Variants in PPP2R5C observed in about 807,000 individuals in gnomAD.
The protein encoded by PPP2R5C is serine/threonine-protein phosphatase 2A 56 kDa regulatory subunit gamma isoform.
In PPP2R5C, 7 loss-of-function variants were observed where a neutral mutation model predicts 68.9. The ratio of observed to expected loss-of-function variants is 0.10; its 90% CI spans 0.06 to 0.19. The LOEUF (loss-of-function observed/expected upper bound fraction) is 0.19, where lower values mean the gene tolerates loss of function less well. Among genes scored for constraint, PPP2R5C ranks in the 10% least tolerant of loss-of-function variants. The pLI is 1.00. For synonymous variants in PPP2R5C, 210 were observed against 222.2 expected (o/e 0.95, Z 0.49); for missense variants, 348 against 641.3 (o/e 0.54, Z 4.94).
intron 6 of PPP2R5C, 80 bp downstream of exon 8, chr14:101,890,376 C>A: frequency 7.4e-7 from 1 of 1,343,008 alleles, no homozygotes; most frequent in Non-Finnish European, 1.0e-6. Flanking sequence ...TCCAGCTGCC[C>A]GCTTTAAAGC....
In PPP2R5C at chr14:101,762,974, A is replaced by G. The variant is rs187787545; in HGVS notation, c.93+4A>G. On this transcript the variant is annotated splice_donor_region_variant and intron_variant, in intron 2 of 14. Transcript: ENST00000328724. Reference sequence around the variant, plus strand: ...ACAAGACACAGTAGAATCAGAGGTAACTGTCATCAAATATTGACTTTGTAT... The same window carrying G: ...ACAAGACACAGTAGAATCAGAGGTAGCTGTCATCAAATATTGACTTTGTAT... The G allele has an allele frequency of 6.4e-7, 1 of 1,566,902 alleles. No individual in the cohort carries two copies. Among genetic ancestry groups the G allele is most frequent in the East Asian group, 2.3e-5 (1 of 42,958 alleles).
At position 101,872,641 on chromosome 14, in the gene PPP2R5C, A is replaced by G. The variant is rs144888136; in HGVS notation, c.295-9520A>G. On this transcript the variant is annotated intron_variant, in intron 2 of 13. Transcript: ENST00000334743. Reference sequence around the variant, plus strand: ...TCTTGCTTGCATTATTTCTGATGAGATGTCTCCTGCCATTCTTTTCTTTGT... The same window carrying G: ...TCTTGCTTGCATTATTTCTGATGAGGTGTCTCCTGCCATTCTTTTCTTTGT... Among the ~76,000 whole-genome samples the G allele has an allele frequency of 4.3e-3, 654 of 152,162 alleles. 5 individuals are homozygous for G. Among genetic ancestry groups the G allele is most frequent in the African/African-American group, 0.015 (624 of 41,526 alleles).
intron 2 of PPP2R5C, among the ~76,000 whole-genome samples, chr14:101,857,836 G>A (rs1244530197): frequency 6.6e-6 from 1 of 152,116 alleles, no homozygotes; most frequent in Non-Finnish European, 1.5e-5. Context: ...TCTTTGTTAA[G>A]TTACTGATTT....
intron 1 of PPP2R5C, among the ~76,000 whole-genome samples, chr14:101,821,483 G>A (rs931897263): frequency 6.6e-6 from 1 of 151,242 alleles, no homozygotes; most frequent in African/African-American, 2.4e-5. Context: ...GTGTGTGTGT[G>A]TATTTATCCA....
At chr14:101,787,154 G>A (rs1017005415) in intron 3 of PPP2R5C, among the ~76,000 whole-genome samples, 5 of 152,352 alleles carry the variant, frequency 3.3e-5, no homozygotes, top group Non-Finnish European at 5.9e-5. Context: ...GGAGGCTGAA[G>A]TGGGAGGATT....
chr14:101,795,594 A>G (rs959256922), intron 3 of PPP2R5C, among the ~76,000 whole-genome samples: 3 of 152,182 alleles, frequency 2.0e-5, no homozygotes, highest in Non-Finnish European at 4.4e-5. Flanking sequence ...AGAAAAGACT[A>G]GGAGAAGTCA....
At chr14:101,841,516 C>G (rs76596910) in intron 1 of PPP2R5C, among the ~76,000 whole-genome samples, 2,389 of 152,296 alleles carry the variant, frequency 0.016, 75 homozygotes, top group African/African-American at 0.053. Context: ...GGGGCCGGCT[C>G]GTTCCGTGTC....
chr14:101,883,770 C>A (rs1306681303), intron 5 of PPP2R5C, among the ~76,000 whole-genome samples: 1 of 152,152 alleles, frequency 6.6e-6, no homozygotes, highest in African/African-American at 2.4e-5. Context: ...CCCCTCTCCC[C>A]ACAGCTCCCT....
At chr14:101,881,717 C>A (rs1239908907) in intron 2 of PPP2R5C, among the ~76,000 whole-genome samples, 2 of 152,240 alleles carry the variant, frequency 1.3e-5, no homozygotes, top group African/African-American at 4.8e-5. Context: ...TCACACGGGT[C>A]CTCCCTGCGT....
rs1391401972 is a variant in PPP2R5C at position 101,781,410 on chromosome 14, T to A, written c.94-4608T>A. Among the ~76,000 whole-genome samples the A allele has an allele frequency of 6.6e-6, 1 of 152,112 alleles. No homozygotes were observed. Among genetic ancestry groups the A allele is most frequent in the African/African-American group, 2.4e-5 (1 of 41,420 alleles). ...GAGCCGCTAGGCTGCCAAGGCGCGC[T>A]GTGCGCGTGGGGCCAGGCTCGACCT... On this transcript the variant is annotated intron_variant, in intron 2 of 14. Coordinates refer to the PPP2R5C transcript ENST00000328724. This position sits in a 1 kb window ranked among gnomAD's most constrained non-coding sequence, Gnocchi z 6.4.
chr14:101,806,064 G>A (rs1425150443), upstream of PPP2R5C, among the ~76,000 whole-genome samples: 3 of 152,128 alleles, frequency 2.0e-5, no homozygotes, highest in Non-Finnish European at 4.4e-5. Context: ...TTGTGTTGAT[G>A]TATATTTTAG....
At chr14:101,847,975 T>A (rs1446494865) in intron 1 of PPP2R5C, among the ~76,000 whole-genome samples, 1 of 152,128 alleles carries the variant, frequency 6.6e-6, no homozygotes, top group Non-Finnish European at 1.5e-5. Context: ...CATGAGCCAC[T>A]GCGCCCGGCC....
In PPP2R5C at chr14:101,877,013, A is replaced by G. The variant is rs1257583043; in HGVS notation, c.295-5148A>G. Among the ~76,000 whole-genome samples the G allele has an allele frequency of 7.2e-6, 1 of 138,100 alleles. No individual in the cohort carries two copies. Among genetic ancestry groups the G allele is most frequent in the South Asian group, 2.2e-4 (1 of 4,534 alleles). The allele number at this position is 138,100 out of a possible 152,430, so 90.6% of individuals were successfully genotyped here. ...GCCCAGGCTGGAGTGCAGTGGTGCA[A>G]TCTCGGTTCACTGCAACTTCCACCT... On this transcript the variant is annotated intron_variant, in intron 2 of 13. Coordinates refer to ENST00000334743, the Ensembl canonical transcript of PPP2R5C. The surrounding 1 kb of genome is among the most constrained non-coding windows in gnomAD (Gnocchi z 4.2).
intron 1 of PPP2R5C, among the ~76,000 whole-genome samples, chr14:101,842,311 G>A (rs1316947949): frequency 1.3e-5 from 2 of 152,206 alleles, no homozygotes; most frequent in Non-Finnish European, 2.9e-5. Context: ...CGAAAGCCAA[G>A]GTTTCCGGGT....
At chr14:101,859,633 C>T (rs1053612195) in intron 2 of PPP2R5C, among the ~76,000 whole-genome samples, 6 of 152,134 alleles carry the variant, frequency 3.9e-5, no homozygotes, top group African/African-American at 7.2e-5. Context: ...AGAACACAGG[C>T]GGTGGGGTGG....
At position 101,891,795 on chromosome 14, in the gene PPP2R5C, A is replaced by G. The variant is rs2044947576; in HGVS notation, c.690-1205A>G. ...TCAGTAATGGAAGACCAAGTTAGAG[A>G]CAGCTCTGTCTACTTCTGCAGCTCA... On this transcript the variant is annotated intron_variant, in intron 6 of 13. Coordinates refer to ENST00000334743, the Ensembl canonical transcript of PPP2R5C. This position sits in a 1 kb window ranked among gnomAD's most constrained non-coding sequence, Gnocchi z 4.9. Among the ~76,000 whole-genome samples the G allele has an allele frequency of 1.3e-5, 2 of 152,170 alleles. No homozygotes were observed. The highest frequency in any genetic ancestry group is 4.8e-5 in the African/African-American group (2 of 41,436).
chr14:101,774,175 C>CACTG (rs1228028435), intron 2 of PPP2R5C, among the ~76,000 whole-genome samples: 3 of 152,212 alleles, frequency 2.0e-5, no homozygotes, highest in African/African-American at 7.2e-5. Flanking sequence ...AAAGATGAGG[C>CACTG]ACTGGCACAG....
intron 3 of PPP2R5C, among the ~76,000 whole-genome samples, chr14:101,794,858 G>A (rs774947096): frequency 5.9e-5 from 9 of 152,136 alleles, no homozygotes; most frequent in Non-Finnish European, 1.3e-4. Context: ...TTACCTGATT[G>A]TTTGCATCAG....
rs191366907 is a variant in PPP2R5C, at chr14:101,838,819, G to A, written c.95-17867G>A. Among the ~76,000 whole-genome samples the A allele has an allele frequency of 3.2e-3, 487 of 152,262 alleles. 5 individuals are homozygous for A. Among genetic ancestry groups the A allele is most frequent in the African/African-American group, 0.011 (458 of 41,534 alleles). On this transcript the variant is annotated intron_variant, in intron 1 of 13. Coordinates refer to ENST00000334743, the Ensembl canonical transcript of PPP2R5C. ...AGCACTCTGGGAGGCCAAGGCAGGC[G>A]GATTGCTTGATGTCAGGAGTTTGAG...
Sources: gnomAD v4.1 joint callset for allele counts (sites outside exome capture counted in the v4.1 genomes callset) on GRCh38, gnomAD v4.1.1 for gene constraint, Gnocchi (gnomAD v3.1) non-coding constraint, MANE v1.5 for transcripts, NCBI Gene and HGNC (gene_info 2026-07-23, HGNC 2026-07-21) for gene names.